MACROD2: variants seen among roughly 807,000 people sequenced by gnomAD.
MACROD2 encodes the protein mono-ADP ribosylhydrolase 2, also known as ADP-ribose glycohydrolase MACROD2.
In MACROD2, 36 loss-of-function variants were observed where a neutral mutation model predicts 70.4. The observed-to-expected ratio is 0.51, with a 90% CI of 0.39 to 0.68. The LOEUF (loss-of-function observed/expected upper bound fraction) is 0.68, where lower values mean the gene tolerates loss of function less well. MACROD2 is among the 30% of genes least tolerant of loss of function. The pLI is 0.00. For missense variants in MACROD2, 496 were observed against 538.4 expected (o/e 0.92, Z 0.78); for synonymous variants, 172 against 178.8 (o/e 0.96, Z 0.30).
At chr20:15,978,007 AT>A (rs971110183) in intron 13 of MACROD2, among the ~76,000 whole-genome samples, 2 of 152,186 alleles carry the variant, frequency 1.3e-5, no homozygotes, top group Non-Finnish European at 2.9e-5. Context: ...ACAGTCTGGC[AT>A]TTTTATGGGA....
At chr20:14,954,763 T>TATATATATATATAAATAAA (rs1267489369) in intron 5 of MACROD2, among the ~76,000 whole-genome samples, 1 of 48,610 alleles carries the variant, frequency 2.1e-5, no homozygotes, top group Admixed American at 2.9e-4. Context: ...TATAAATAAA[T>TATATATATATATAAATAAA]TTTATATAAC....
Position 14,174,027 on chromosome 20 carries a change from A to G in MACROD2, c.271+88299A>G, listed in dbSNP as rs577685739. 4.6e-5 allele frequency among the ~76,000 whole-genome samples: 7 copies of G among 152,266 alleles called. 1 individual carries two copies. The South Asian group carries it at 1.5e-3, about 32-fold the overall frequency. ...AGCACCTGCTATGATTGAGGTTCCA[A>G]GGGATTGAAGTGGACTCTGTGAGGG... is the stretch of plus-strand genomic sequence containing the variant. On this transcript the variant is annotated intron_variant, in intron 3 of 17. Transcript: ENST00000684519.
chr20:14,582,261 G>A (rs1355294884), intron 4 of MACROD2, among the ~76,000 whole-genome samples: 2 of 151,862 alleles, frequency 1.3e-5, no homozygotes, highest in African/African-American at 4.8e-5. Context: ...TTAAAATCAC[G>A]TTATTTTTCT....
rs1348035988 is a variant in MACROD2, at chr20:15,569,817, A to G, written c.645+69970A>G. On this transcript the variant is annotated intron_variant, in intron 8 of 17. Transcript: ENST00000684519. Reference sequence around the variant, plus strand: ...GGTTCATTCTACTGCAAATGACAGGATTTCCTTCTTGTATGGCTGAATAGT... The same window carrying G: ...GGTTCATTCTACTGCAAATGACAGGGTTTCCTTCTTGTATGGCTGAATAGT... Among the ~76,000 whole-genome samples, 5 of 152,236 alleles carry G rather than the reference A, an allele frequency of 3.3e-5. No homozygotes were observed. The East Asian group carries it at 7.7e-4, about 24-fold the overall frequency.
intron 8 of MACROD2, among the ~76,000 whole-genome samples, chr20:15,713,754 G>T (rs747466003): frequency 3.9e-5 from 6 of 152,054 alleles, no homozygotes; most frequent in Non-Finnish European, 8.8e-5. Context: ...ACATATCAGG[G>T]TCTGGTCTGG....
intron 3 of MACROD2, among the ~76,000 whole-genome samples, chr20:14,319,129 C>T (rs1197530771): frequency 4.6e-5 from 7 of 152,170 alleles, no homozygotes; most frequent in Non-Finnish European, 8.8e-5. Flanking sequence ...TATGCATCAC[C>T]TAATCCCATC....
At chr20:15,150,298 A>G (rs2076260027) in intron 5 of MACROD2, among the ~76,000 whole-genome samples, 1 of 151,994 alleles carries the variant, frequency 6.6e-6, no homozygotes, top group Non-Finnish European at 1.5e-5. Flanking sequence ...GGAATAGTGA[A>G]AAAAGCATTT....
At chr20:15,372,420 A>G (rs1288580255) in intron 6 of MACROD2, among the ~76,000 whole-genome samples, 2 of 152,360 alleles carry the variant, frequency 1.3e-5, no homozygotes, top group Non-Finnish European at 2.9e-5. Flanking sequence ...GAATGGGTAT[A>G]AAAGAGCATC....
intron 6 of MACROD2, among the ~76,000 whole-genome samples, chr20:15,362,975 G>A (rs1568750139): frequency 6.6e-6 from 1 of 151,672 alleles, no homozygotes; most frequent in Non-Finnish European, 1.5e-5. Context: ...AGGAAAGGAA[G>A]GAAGGAAAGA....
intron 5 of MACROD2, among the ~76,000 whole-genome samples, chr20:14,834,872 G>C (rs2073011436): frequency 6.6e-6 from 1 of 151,706 alleles, no homozygotes; most frequent in Admixed American, 6.6e-5. Flanking sequence ...TTATATGTGT[G>C]TATATATGTA....
intron 5 of MACROD2, among the ~76,000 whole-genome samples, chr20:14,846,342 G>A (rs1430049484): frequency 6.6e-6 from 1 of 152,028 alleles, no homozygotes; most frequent in African/African-American, 2.4e-5. Context: ...TCATGCCTCA[G>A]CCTCCTGAGT....
chr20:15,261,712 A>G (rs1295652051), intron 6 of MACROD2, among the ~76,000 whole-genome samples: 1 of 151,970 alleles, frequency 6.6e-6, no homozygotes, highest in Non-Finnish European at 1.5e-5. Context: ...GTAAATTTGA[A>G]CAATATTATA....
At chr20:14,604,849 T>A (rs947372052) in intron 4 of MACROD2, among the ~76,000 whole-genome samples, 5 of 152,174 alleles carry the variant, frequency 3.3e-5, no homozygotes, top group Non-Finnish European at 7.4e-5. Flanking sequence ...TCATACTTCA[T>A]ATTCACATGA....
At chr20:14,981,604 C>T (rs1301120500) in intron 5 of MACROD2, among the ~76,000 whole-genome samples, 3 of 151,848 alleles carry the variant, frequency 2.0e-5, no homozygotes, top group Non-Finnish European at 4.4e-5. Context: ...CTGTGTTGTT[C>T]TTGTGATAGT....
intron 3 of MACROD2, among the ~76,000 whole-genome samples, chr20:14,428,330 A>G (rs575547127): frequency 1.2e-4 from 18 of 152,122 alleles, no homozygotes; most frequent in Non-Finnish European, 1.9e-4. Context: ...AATAAGATTC[A>G]CTTTATGACT....
chr20:15,147,910 C>T (rs2076242493), intron 5 of MACROD2, among the ~76,000 whole-genome samples: 2 of 151,902 alleles, frequency 1.3e-5, no homozygotes, highest in South Asian at 2.1e-4. Context: ...AGTAGGGGAG[C>T]TTTTGAGCCA....
intron 4 of MACROD2, among the ~76,000 whole-genome samples, chr20:14,498,546 G>T (rs926675664): frequency 2.6e-5 from 4 of 152,176 alleles, no homozygotes; most frequent in Admixed American, 2.6e-4. Flanking sequence ...AATTATAGTT[G>T]TCTACATTCT....
chr20:14,750,029 C>A (rs2071849741), intron 5 of MACROD2, among the ~76,000 whole-genome samples: 2 of 152,100 alleles, frequency 1.3e-5, no homozygotes, highest in Non-Finnish European at 2.9e-5. Context: ...CACTTCTGAA[C>A]TATACACTTC....
intron 8 of MACROD2, among the ~76,000 whole-genome samples, chr20:15,774,486 C>T (rs866900949): frequency 1.3e-5 from 2 of 152,250 alleles, no homozygotes; most frequent in African/African-American, 4.8e-5. Flanking sequence ...CTTCTGAACA[C>T]TTTCTAGAGA....
Sources: allele counts gnomAD v4.1 joint callset (sites outside exome capture counted in the v4.1 genomes callset), GRCh38; gene constraint gnomAD v4.1.1; transcripts MANE v1.5; gene names NCBI Gene and HGNC (gene_info 2026-07-23, HGNC 2026-07-21).